Variants in CCDC13 observed in about 807,000 individuals in gnomAD.
The protein encoded by CCDC13 is coiled-coil domain-containing protein 13.
CCDC13 carries 70 observed loss-of-function variants against 87.3 expected under a neutral mutation model. The ratio of observed to expected loss-of-function variants is 0.80; its 90% CI spans 0.66 to 0.98. The LOEUF (loss-of-function observed/expected upper bound fraction) is 0.98. Among genes scored for constraint, CCDC13 ranks in the 50% least tolerant of loss-of-function variants. The pLI is 0.00. For missense variants in CCDC13, 842 were observed against 892.0 expected (o/e 0.94, Z 0.71); for synonymous variants, 317 against 360.3 (o/e 0.88, Z 1.36).
At chr3:42,729,144 G>A (rs1698760514) in intron 13 of CCDC13, among the ~76,000 whole-genome samples, 1 of 152,184 alleles carries the variant, frequency 6.6e-6, no homozygotes, top group African/African-American at 2.4e-5. Flanking sequence ...CTAGGTTTGG[G>A]ATGGTTTGTT....
rs1174084143 is a variant in CCDC13 at position 42,711,246 on chromosome 3, C to CAAA, written c.1874-1451_1874-1449dup. Among the ~76,000 whole-genome samples, 361 of 75,184 alleles carry CAAA rather than the reference C, an allele frequency of 4.8e-3. 5 individuals carry two copies. The highest frequency in any genetic ancestry group is 0.011 in the South Asian group (17 of 1,616). 49.3% of individuals were successfully genotyped at this position (75,184 alleles called of 152,430 possible). A position where few individuals can be genotyped will look rare whatever the true frequency, so the allele number is the denominator to read the frequency against. On this transcript the variant is annotated intron_variant, in intron 14 of 15. Transcript: ENST00000310232. ...GAGGGACAGAGTGAGACTCTGTCTCCAAAAAAAAAAAAAAAAAAAAGACAA... is the reference window on the plus strand; with the variant it reads ...GAGGGACAGAGTGAGACTCTGTCTCCAAAAAAAAAAAAAAAAAAAAAAAGACAA...
At chr3:42,746,697 G>A (rs1045646536) in intron 6 of CCDC13, 1 of 177,854 alleles carries the variant, frequency 5.6e-6, no homozygotes, top group Admixed American at 5.4e-5. Context: ...GCCAGTCTGA[G>A]TGGTTCCAGC....
chr3:42,728,812 C>A lies in CCDC13; in HGVS notation c.1718+1655G>T, dbSNP rs535997987. Among the ~76,000 whole-genome samples, 10 of 152,242 alleles carry A rather than the reference C, an allele frequency of 6.6e-5. No homozygotes were observed. The East Asian group carries it at 1.9e-3, about 29-fold the overall frequency. Reference sequence around the variant, plus strand: ...AACACCCCAGGATGACACAGAGTAGCAGGAGGAACCCAAGGACCCAAAAAG... The same window carrying A: ...AACACCCCAGGATGACACAGAGTAGAAGGAGGAACCCAAGGACCCAAAAAG... On this transcript the variant is annotated intron_variant, in intron 13 of 15. Coordinates refer to ENST00000310232, the MANE Select transcript of CCDC13 (RefSeq NM_144719.4).
chr3:42,733,433 T>G, intron 11 of CCDC13, 37 bp downstream of exon 11: 1 of 1,612,352 alleles, frequency 6.2e-7, no homozygotes, highest in Non-Finnish European at 8.5e-7. Flanking sequence ...ATAATTAATG[T>G]TCACTTTCCA....
rs756728996 is a variant in CCDC13 at position 42,735,717 on chromosome 3, A to T, written c.1361T>A (p.Leu454His). Residue 454 changes from leucine (L) to histidine (H), a missense_variant, in exon 10 of 16, where the codon CTC becomes CAC. Transcript: ENST00000310232. Reference protein sequence around the residue: ...VRQLEMEIGQLNVHYLRNKGV... With the variant: ...VRQLEMEIGQHNVHYLRNKGV... The stretch of plus-strand genomic sequence containing the variant: ...CAGTGCCCTACTCACGTGCACATTG[A>T]GTTGTCCGATCTCCATCTCCAGCTG... 6.2e-7 allele frequency: 1 copy of T among 1,614,074 alleles called. No individual in the cohort carries two copies. Among genetic ancestry groups the T allele is most frequent in the Non-Finnish European group, 8.5e-7 (1 of 1,180,012 alleles).
intron 12 of CCDC13, 137 bp from the exon 13 acceptor site, chr3:42,730,726 T>C: frequency 8.6e-7 from 1 of 1,159,504 alleles, no homozygotes; most frequent in Non-Finnish European, 1.2e-6. Flanking sequence ...ACCCAGTCCC[T>C]CTAGGTCCTC....
At chr3:42,767,192 C>G (rs1177665029) in intron 1 of CCDC13, among the ~76,000 whole-genome samples, 1 of 150,732 alleles carries the variant, frequency 6.6e-6, no homozygotes, top group East Asian at 1.9e-4. Flanking sequence ...AACAAAAAAA[C>G]TCCTGGAACT....
At chr3:42,727,637 G>A (rs532717129) in intron 13 of CCDC13, among the ~76,000 whole-genome samples, 35 of 152,100 alleles carry the variant, frequency 2.3e-4, no homozygotes, top group Admixed American at 9.8e-4. Context: ...AAAGAATGTG[G>A]AAGAGAAATA....
chr3:42,738,374 G>C (rs1190915388), intron 9 of CCDC13, among the ~76,000 whole-genome samples: 1 of 152,188 alleles, frequency 6.6e-6, no homozygotes, highest in Non-Finnish European at 1.5e-5. Context: ...TTTTTGCTTA[G>C]GATTGTCTTG....
intron 4 of CCDC13, 131 bp from the exon 5 acceptor site, chr3:42,752,156 A>T (rs982124998): frequency 1.4e-6 from 1 of 724,564 alleles, no homozygotes; most frequent in Non-Finnish European, 2.3e-6. Context: ...TAGGATCATT[A>T]ATGGCAGCAT....
chr3:42,756,715 G>A (rs1312951240), intron 3 of CCDC13, among the ~76,000 whole-genome samples: 1 of 152,094 alleles, frequency 6.6e-6, no homozygotes, highest in Non-Finnish European at 1.5e-5. Context: ...AGTGCACCAA[G>A]GAGAAATGGA....
In CCDC13 at chr3:42,733,499, G is replaced by A; in HGVS notation, c.1482C>T (p.Gly494=). ...PGLTKSPASA[G]DHVGRLGSSR... is the part of the protein sequence containing the mutation. ...AAGATCCAAGCCTGCCAACATGATC[G>A]CCTGCTGAGGCCGGGGACTTGGTCA... is the stretch of plus-strand genomic sequence containing the variant. Residue 494 remains glycine, a synonymous_variant, in exon 11 of 16, where the codon GGC becomes GGT. Coordinates refer to ENST00000310232, the MANE Select transcript of CCDC13 (RefSeq NM_144719.4). The A allele has an allele frequency of 4.3e-6, 7 of 1,614,030 alleles. No individual in the cohort carries two copies. Among genetic ancestry groups the A allele is most frequent in the Non-Finnish European group, 5.9e-6 (7 of 1,180,014 alleles).
At chr3:42,710,967 C>T (rs145194063) in intron 14 of CCDC13, among the ~76,000 whole-genome samples, 2,343 of 152,000 alleles carry the variant, frequency 0.015, 71 homozygotes, top group African/African-American at 0.052. Context: ...GAGCCTCAGC[C>T]GGGTGCGGTG....
chr3:42,758,062 T>TACACAC (rs3076826), intron 2 of CCDC13, 63 bp downstream of exon 2: 117,019 of 979,860 alleles, frequency 0.12, 2,471 homozygotes, highest in Non-Finnish European at 0.13. Context: ...GCTCCGGTGG[T>TACACAC]ACACACACAC....
chr3:42,711,624 C>G (rs1262939877), intron 14 of CCDC13, among the ~76,000 whole-genome samples: 1 of 152,200 alleles, frequency 6.6e-6, no homozygotes, highest in Non-Finnish European at 1.5e-5. Flanking sequence ...CCTCAGGGAT[C>G]GGCAGGCCAC....
At chr3:42,735,657 G>A (rs867459450) in intron 10 of CCDC13, 50 bp downstream of exon 10, 1 of 1,576,154 alleles carries the variant, frequency 6.3e-7, no homozygotes, top group Non-Finnish European at 8.7e-7. Context: ...GAGCTGGATG[G>A]ACTTGCCCGG....
intron 9 of CCDC13, among the ~76,000 whole-genome samples, chr3:42,739,337 G>C (rs1699135779): frequency 6.6e-6 from 1 of 152,148 alleles, no homozygotes; most frequent in South Asian, 2.1e-4. Context: ...ATAACCCAGG[G>C]TATAATCCCA....
In CCDC13 at chr3:42,712,788, G is replaced by A. The variant is rs1575267768; in HGVS notation, c.1873+374C>T. On this transcript the variant is annotated intron_variant, in intron 14 of 15. Transcript: ENST00000310232. ...GGAGGCACAAAGGGACTCCTCCCCT[G>A]CTTCAGCCACTGTTGCTTGGGCTTC... Among the ~76,000 whole-genome samples, 3 of 152,344 alleles carry A rather than the reference G, an allele frequency of 2.0e-5. No individual in the cohort carries two copies. The Middle Eastern group carries it at 0.01, about 518-fold the overall frequency.
rs6792887 is a variant in CCDC13, at chr3:42,749,731, C to T, written c.603+2205G>A. 3,331 of 377,100 alleles carry T rather than the reference C, an allele frequency of 8.8e-3. 91 individuals are homozygous for T. The highest frequency in any genetic ancestry group is 0.063 in the African/African-American group (3,007 of 47,580). 23.4% of individuals were successfully genotyped at this position (377,100 alleles called of 1,614,324 possible). On this transcript the variant is annotated intron_variant, in intron 5 of 15. Transcript: ENST00000310232. ...TTTGTGGGGGACCTGGGTATGGGTA[C>T]GCTCCCTCCCCTACCCGAGGCTGTT...
Sources: allele counts gnomAD v4.1 joint callset (sites outside exome capture counted in the v4.1 genomes callset), GRCh38; gene constraint gnomAD v4.1.1; transcripts MANE v1.5; gene names NCBI Gene and HGNC (gene_info 2026-07-23, HGNC 2026-07-21).